CCDC3: variants seen among roughly 807,000 people sequenced by gnomAD.
CCDC3 encodes coiled-coil domain containing 3.
CCDC3 carries 24 observed loss-of-function variants against 21.4 expected under a neutral mutation model. The observed-to-expected ratio is 1.12, with a 90% CI of 0.81 to 1.58. CCDC3 has a LOEUF of 1.58. Ranked by LOEUF, CCDC3 falls within the 40% of genes most tolerant of loss-of-function variation. The pLI is 0.00. For synonymous variants in CCDC3, 186 were observed against 166.0 expected, an observed-to-expected ratio of 1.12 and a Z score of -0.93; for missense variants, 425 against 360.9, an observed-to-expected ratio of 1.18 and a Z score of -1.44.
chr10:12,998,364 C>A lies in CCDC3; in HGVS notation c.523G>T (p.Asp175Tyr). The part of the protein sequence containing the change: ...QGQQLATFSS[D>Y]WEIQEDSRLM... ...CTACTGTCTTCCTGGATTTCCCAGT[C>A]ACTGGAGAAAGTCGCCAGCTGCTGC... Residue 175 changes from aspartate (D) to tyrosine (Y), a missense_variant, in exon 2 of 3, where the codon GAC becomes TAC. Physicochemically the swap from Asp to Tyr is radical, Grantham distance 160. Transcript: ENST00000378825. The A allele has an allele frequency of 6.2e-7, 1 of 1,614,060 alleles. No individual in the cohort carries two copies. The highest frequency in any genetic ancestry group is 1.1e-5 in the South Asian group (1 of 91,030).
chr10:12,983,640 C>A, intron 2 of CCDC3, among the ~76,000 whole-genome samples: 2 of 141,672 alleles, frequency 1.4e-5, no homozygotes, highest in Admixed American at 7.2e-5. Flanking sequence ...GGAATGTTTA[C>A]AGTCATAGCT....
intron 2 of CCDC3, among the ~76,000 whole-genome samples, chr10:12,945,619 G>A (rs1364443352): frequency 2.0e-5 from 3 of 152,118 alleles, no homozygotes; most frequent in Non-Finnish European, 4.4e-5. Context: ...AAAACAGCAA[G>A]GTTTTCTTGG....
chr10:13,043,794 T>C (rs1836492222), intron 5 of CCDC3, among the ~76,000 whole-genome samples: 1 of 152,204 alleles, frequency 6.6e-6, no homozygotes, highest in Non-Finnish European at 1.5e-5. Context: ...TTTGCTATTG[T>C]CAATATTGCT....
At chr10:13,019,481 G>C (rs1836117884) in intron 5 of CCDC3, among the ~76,000 whole-genome samples, 1 of 149,082 alleles carries the variant, frequency 6.7e-6, no homozygotes, top group East Asian at 2.1e-4. Flanking sequence ...AGCATTTACT[G>C]ATCTTTCCGT....
upstream of CCDC3, among the ~76,000 whole-genome samples, chr10:13,002,386 T>C (rs150963742): frequency 2.6e-5 from 4 of 152,182 alleles, no homozygotes; most frequent in East Asian, 7.7e-4. Flanking sequence ...GTTTTTTGTT[T>C]TGTTTTTTGT....
At position 13,042,910 on chromosome 10, in the gene CCDC3, A is replaced by G. The variant is rs1273859469; in HGVS notation, c.-2+6764T>C. Reference sequence around the variant, plus strand: ...GGCGACAGAGGGAGACTGTCTCAAAAAAAAAAAAAAAAAAAAAGAAAAGAA... The same window carrying G: ...GGCGACAGAGGGAGACTGTCTCAAAGAAAAAAAAAAAAAAAAAGAAAAGAA... On this transcript the variant is annotated intron_variant, in intron 5 of 6. Transcript: ENST00000378839. 1.3e-4 allele frequency among the ~76,000 whole-genome samples: 12 copies of G among 91,468 alleles called. 1 individual carries two copies. The Middle Eastern group carries it at 0.027, about 204-fold the overall frequency. The allele number at this position is 91,468 out of a possible 152,430, so 60.0% of individuals were successfully genotyped here. A position where few individuals can be genotyped will look rare whatever the true frequency, so the allele number is the denominator to read the frequency against.
At chr10:13,047,218 G>A (rs1189582005) in intron 5 of CCDC3, among the ~76,000 whole-genome samples, 1 of 152,178 alleles carries the variant, frequency 6.6e-6, no homozygotes, top group Non-Finnish European at 1.5e-5. Context: ...CCATGTACCT[G>A]TGTAGCCTTA....
chr10:13,052,981 CACACATACACACACACA>C (rs1564333760), intron 4 of CCDC3, among the ~76,000 whole-genome samples: 114 of 75,556 alleles, frequency 1.5e-3, no homozygotes, highest in African/African-American at 4.7e-3. Flanking sequence ...CACACACACA[CACACATACACACACACA>C]CCTAGAAGTT....
At position 12,973,236 on chromosome 10, in the gene CCDC3, C is replaced by A. The variant is rs138441887; in HGVS notation, c.549+25102G>T. On this transcript the variant is annotated intron_variant, in intron 2 of 2. Coordinates refer to ENST00000378825, the MANE Select transcript of CCDC3 (RefSeq NM_031455.4). ...GAAGGGAGTCACAATGAGACCTTCT[C>A]TAAAGGATGCAAGAACACAATATCA... Among the ~76,000 whole-genome samples, 11 of 152,226 alleles carry A rather than the reference C, an allele frequency of 7.2e-5. No homozygotes were observed. The East Asian group carries it at 2.1e-3, about 30-fold the overall frequency.
intron 5 of CCDC3, among the ~76,000 whole-genome samples, chr10:13,009,849 A>G (rs996238633): frequency 1.3e-5 from 2 of 152,270 alleles, no homozygotes; most frequent in African/African-American, 4.8e-5. Context: ...TCATCAAAAT[A>G]TCTAATAAAA....
intron 2 of CCDC3, among the ~76,000 whole-genome samples, chr10:12,953,591 A>G (rs908270277): frequency 2.0e-5 from 3 of 152,210 alleles, no homozygotes; most frequent in Admixed American, 6.5e-5. Context: ...ACACTGTTTA[A>G]ACATGGGCAG....
At chr10:12,947,169 A>T in intron 2 of CCDC3, among the ~76,000 whole-genome samples, 1 of 148,564 alleles carries the variant, frequency 6.7e-6, no homozygotes. Flanking sequence ...TTTTTTGGAG[A>T]CAGGGTCTTG....
chr10:13,063,370 A>G (rs978570321), intron 4 of CCDC3, among the ~76,000 whole-genome samples: 2 of 141,364 alleles, frequency 1.4e-5, no homozygotes, highest in Non-Finnish European at 3.1e-5. Flanking sequence ...GTATCAATAC[A>G]TCTCCAGTCT....
rs112829813 is a variant in CCDC3, at chr10:13,017,122, C to T, written c.-1-18610G>A. Among the ~76,000 whole-genome samples the T allele has an allele frequency of 3.9e-5, 6 of 152,134 alleles. No homozygotes were observed. In the East Asian group the frequency reaches 5.8e-4, roughly 15 times the overall value. On this transcript the variant is annotated intron_variant, in intron 5 of 6. Transcript: ENST00000378839. ...GCAATGTGCTGGTGTCCTCGCTCTA[C>T]GGTCATAAGGATGACACAGCCAAAG...
chr10:13,076,830 C>G (rs1046819367), intron 3 of CCDC3, among the ~76,000 whole-genome samples: 1 of 152,178 alleles, frequency 6.6e-6, no homozygotes, highest in Non-Finnish European at 1.5e-5. Context: ...AAATTGTCAG[C>G]CAATCGGGTT....
rs539071064 is a variant in CCDC3, at chr10:12,968,457, C to A, written c.549+29881G>T. On this transcript the variant is annotated intron_variant, in intron 2 of 2. Transcript: ENST00000378825. ...AAACAAAAGCTTAGTAAGTTCATCACCAACAGACCTGTCTTACAAGAAAGG... is the reference window on the plus strand; with the variant it reads ...AAACAAAAGCTTAGTAAGTTCATCAACAACAGACCTGTCTTACAAGAAAGG... 5.3e-5 allele frequency among the ~76,000 whole-genome samples: 8 copies of A among 152,222 alleles called. No homozygotes were observed. The East Asian group carries it at 1.4e-3, about 26-fold the overall frequency.
chr10:13,051,169 TCAAGTATTTC>T (rs1836602335), intron 4 of CCDC3, among the ~76,000 whole-genome samples: 1 of 152,180 alleles, frequency 6.6e-6, no homozygotes, highest in Non-Finnish European at 1.5e-5. Flanking sequence ...CAAAGGAGCC[TCAAGTATTTC>T]CAACCGACTT....
intron 3 of CCDC3, among the ~76,000 whole-genome samples, chr10:13,093,969 C>A (rs1366476647): frequency 6.6e-6 from 1 of 152,104 alleles, no homozygotes; most frequent in Non-Finnish European, 1.5e-5. Context: ...GATTATTTTC[C>A]CAAATCACCA....
intron 2 of CCDC3, among the ~76,000 whole-genome samples, chr10:12,939,550 T>A (rs752578108): frequency 2.6e-5 from 4 of 152,178 alleles, no homozygotes; most frequent in Non-Finnish European, 5.9e-5. Flanking sequence ...GGCACTGCAC[T>A]CTGGCCTGAG....
Sources: gnomAD v4.1 joint callset for allele counts (sites outside exome capture counted in the v4.1 genomes callset) on GRCh38, gnomAD v4.1.1 for gene constraint, MANE v1.5 for transcripts, NCBI Gene and HGNC (gene_info 2026-07-23, HGNC 2026-07-21) for gene names.